The following NPAS3 variants were observed in gnomAD, a reference collection of about 807,000 sequenced individuals.
NPAS3 encodes the protein neuronal PAS domain-containing protein 3.
A neutral mutation model predicts 73.1 loss-of-function variants in NPAS3; 14 were observed. That is an observed-to-expected ratio of 0.19 (90% CI 0.13 to 0.30). NPAS3 has a LOEUF of 0.30. NPAS3 is among the 10% of genes least tolerant of loss of function. NPAS3 has a pLI of 1.00. For synonymous variants in NPAS3, 620 were observed against 541.5 expected, an observed-to-expected ratio of 1.14 and a Z score of -2.01; for missense variants, 1,096 against 1,250.0, an observed-to-expected ratio of 0.88 and a Z score of 1.86.
chr14:32,975,921 G>A (rs776801588), intron 1 of NPAS3, among the ~76,000 whole-genome samples: 16 of 148,872 alleles, frequency 1.1e-4, no homozygotes, highest in East Asian at 2.0e-4. Flanking sequence ...TTGCAGACAC[G>A]CATGCATTTT....
At chr14:33,531,471 G>A (rs759584953) in intron 4 of NPAS3, among the ~76,000 whole-genome samples, 29 of 152,150 alleles carry the variant, frequency 1.9e-4, no homozygotes, top group Non-Finnish European at 3.7e-4. Flanking sequence ...TTCAAGACTG[G>A]CTTCTTTCAC....
At chr14:33,632,833 A>T (rs1489509304) in intron 5 of NPAS3, among the ~76,000 whole-genome samples, 2 of 152,148 alleles carry the variant, frequency 1.3e-5, no homozygotes, top group African/African-American at 2.4e-5. Flanking sequence ...TAAGCCAAAT[A>T]CCTTCTTTTA....
chr14:33,321,266 A>G (rs2043434760), intron 3 of NPAS3, among the ~76,000 whole-genome samples: 1 of 152,160 alleles, frequency 6.6e-6, no homozygotes, highest in Admixed American at 6.5e-5. Context: ...ACAGATTTGT[A>G]GATACTCTAG....
chr14:33,580,310 C>A (rs370768906), intron 5 of NPAS3, among the ~76,000 whole-genome samples: 2 of 152,116 alleles, frequency 1.3e-5, no homozygotes, highest in African/African-American at 4.8e-5. Context: ...AAAGGTGTGA[C>A]GTAAAGCTGA....
intron 4 of NPAS3, among the ~76,000 whole-genome samples, chr14:33,412,329 A>AG (rs2047965217): frequency 1.3e-5 from 2 of 152,274 alleles, no homozygotes; most frequent in African/African-American, 4.8e-5. Flanking sequence ...CATGTTGCCC[A>AG]GGCTGGTCTC....
At chr14:33,669,760 AT>A (rs1185606170) in intron 5 of NPAS3, among the ~76,000 whole-genome samples, 1 of 152,004 alleles carries the variant, frequency 6.6e-6, no homozygotes. Flanking sequence ...CTTTGACTCT[AT>A]TTCCCCGACA....
intron 5 of NPAS3, among the ~76,000 whole-genome samples, chr14:33,633,416 G>C (rs1285786031): frequency 6.6e-6 from 1 of 152,110 alleles, no homozygotes; most frequent in Non-Finnish European, 1.5e-5. Flanking sequence ...TTAATGATGG[G>C]AATATGTTCT....
intron 1 of NPAS3, among the ~76,000 whole-genome samples, chr14:32,976,408 C>T (rs1488840172): frequency 1.6e-4 from 24 of 152,068 alleles, no homozygotes; most frequent in Admixed American, 1.6e-3. Flanking sequence ...TTGACTTTGC[C>T]ATGTAAAATT....
At chr14:33,031,670 G>T (rs1271124904) in intron 1 of NPAS3, among the ~76,000 whole-genome samples, 1 of 152,106 alleles carries the variant, frequency 6.6e-6, no homozygotes, top group East Asian at 1.9e-4. Context: ...TTTATTTTTT[G>T]TAGAGATGGG....
chr14:33,378,675 T>C (rs1406033282), intron 4 of NPAS3, among the ~76,000 whole-genome samples: 10 of 152,150 alleles, frequency 6.6e-5, no homozygotes, highest in East Asian at 1.9e-4. Context: ...TTGGTGTTTA[T>C]GTGGAAGTCC....
intron 5 of NPAS3, among the ~76,000 whole-genome samples, chr14:33,567,011 G>A (rs888353154): frequency 1.3e-5 from 2 of 152,144 alleles, no homozygotes; most frequent in Non-Finnish European, 2.9e-5. Flanking sequence ...TCTTCCACAG[G>A]GTAATAATCG....
chr14:33,251,888 T>C (rs902770593), intron 3 of NPAS3, among the ~76,000 whole-genome samples: 1 of 152,118 alleles, frequency 6.6e-6, no homozygotes, highest in African/African-American at 2.4e-5. Flanking sequence ...TTTCTCTTTT[T>C]TTTAGAGGGG....
chr14:33,440,222 C>G (rs1227792264), intron 4 of NPAS3, among the ~76,000 whole-genome samples: 1 of 151,986 alleles, frequency 6.6e-6, no homozygotes, highest in Non-Finnish European at 1.5e-5. Flanking sequence ...AATGAGCATA[C>G]TGAGAAGAGA....
chr14:33,328,820 T>C (rs2043843100), intron 3 of NPAS3, among the ~76,000 whole-genome samples: 1 of 152,220 alleles, frequency 6.6e-6, no homozygotes, highest in African/African-American at 2.4e-5. Context: ...AACTTCTGTG[T>C]TTCCTGAAAT....
At chr14:33,288,247 A>G (rs1191275986) in intron 3 of NPAS3, among the ~76,000 whole-genome samples, 1 of 151,986 alleles carries the variant, frequency 6.6e-6, no homozygotes, top group Non-Finnish European at 1.5e-5. Flanking sequence ...AACACTCTAC[A>G]TTGTCTTCTC....
intron 6 of NPAS3, among the ~76,000 whole-genome samples, chr14:33,681,295 A>G (rs2140359971): frequency 6.6e-6 from 1 of 152,282 alleles, no homozygotes; most frequent in Admixed American, 6.5e-5. Flanking sequence ...ATTGTTGTGA[A>G]GGGATATTTT....
intron 6 of NPAS3, among the ~76,000 whole-genome samples, chr14:33,693,321 T>A (rs942999715): frequency 6.6e-6 from 1 of 152,188 alleles, no homozygotes; most frequent in African/African-American, 2.4e-5. Flanking sequence ...TATAGTTGGG[T>A]CCAGACCCAA....
intron 3 of NPAS3, among the ~76,000 whole-genome samples, chr14:33,305,823 C>T (rs922016729): frequency 6.6e-6 from 1 of 152,060 alleles, no homozygotes; most frequent in Admixed American, 6.6e-5. Context: ...AAAAATGTGT[C>T]CACCAAAAGT....
chr14:33,036,758 A>C (rs915211982), intron 1 of NPAS3, among the ~76,000 whole-genome samples: 1 of 152,230 alleles, frequency 6.6e-6, no homozygotes, highest in South Asian at 2.1e-4. Context: ...CTGATAAACT[A>C]TAAAAGACTT....
Sources: gnomAD v4.1 joint callset for allele counts (sites outside exome capture counted in the v4.1 genomes callset) on GRCh38, gnomAD v4.1.1 for gene constraint, MANE v1.5 for transcripts, NCBI Gene and HGNC (gene_info 2026-07-23, HGNC 2026-07-21) for gene names.